The following RIOX2 variants were observed in gnomAD, a reference collection of about 807,000 sequenced individuals.
RIOX2 encodes ribosomal oxygenase 2, also known as 60S ribosomal protein L27a histidine hydroxylase.
Under a neutral mutation model 51.2 loss-of-function variants are expected in RIOX2, and 43 were observed. The observed-to-expected ratio is 0.84, with a 90% CI of 0.66 to 1.08. The LOEUF is 1.08. Among genes scored for constraint, RIOX2 ranks in the 50% least tolerant of loss-of-function variants. The probability of loss-of-function intolerance (pLI) is 0.00; values close to 1 mark genes in which losing one functional copy is unlikely to be tolerated. For synonymous variants in RIOX2, 226 were observed against 218.5 expected (o/e 1.03, Z -0.30); for missense variants, 566 against 561.7 (o/e 1.01, Z -0.08).
At chr3:97,949,570 C>T (rs116023969) in intron 7 of RIOX2, among the ~76,000 whole-genome samples, 511 of 152,232 alleles carry the variant, frequency 3.4e-3, no homozygotes, top group African/African-American at 0.012. Context: ...ACCAGAGTAC[C>T]TATAAATATA....
chr3:97,972,232 C>G (rs1706164052), intron 1 of RIOX2, 149 bp downstream of exon 1: 1 of 151,440 alleles, frequency 6.6e-6, no homozygotes, highest in Non-Finnish European at 1.5e-5. Context: ...GCAACCACAG[C>G]GCCGGCCACC....
At position 97,948,789 on chromosome 3, in the gene RIOX2, T is replaced by G. The variant is rs1705111898; in HGVS notation, c.1060+1055A>C. Among the ~76,000 whole-genome samples the G allele has an allele frequency of 2.0e-5, 3 of 152,164 alleles. No individual in the cohort carries two copies. The South Asian group carries it at 6.2e-4, about 31-fold the overall frequency. ...CTATAAGTCTTTTCTAACACCGTTT[T>G]ACTGAGATGCCCTGCAGTTCTCAAT... is the stretch of plus-strand genomic sequence containing the variant. On this transcript the variant is annotated intron_variant, in intron 7 of 9. Transcript: ENST00000394198.
chr3:97,968,776 A>T (rs919482889), intron 1 of RIOX2, among the ~76,000 whole-genome samples: 3 of 152,248 alleles, frequency 2.0e-5, no homozygotes, highest in Admixed American at 1.3e-4. Context: ...TTCTTAAGGA[A>T]GTCCCTATCT....
Position 97,964,629 on chromosome 3 carries a change from G to A in RIOX2, c.432+2533C>T, listed in dbSNP as rs1239946287. ...GGAGAATTGCTTGAACCCAGGAGGCGGAGGTTGTAGTGAGCCGAGATTGCG... is the reference window on the plus strand; with the variant it reads ...GGAGAATTGCTTGAACCCAGGAGGCAGAGGTTGTAGTGAGCCGAGATTGCG... On this transcript the variant is annotated intron_variant, in intron 2 of 9. Transcript: ENST00000394198. Among the ~76,000 whole-genome samples, 6 of 149,936 alleles carry A rather than the reference G, an allele frequency of 4.0e-5. No homozygotes were observed. In the East Asian group the frequency reaches 7.8e-4, roughly 20 times the overall value.
intron 5 of RIOX2, chr3:97,954,162 C>G (rs1705368589): frequency 8.3e-6 from 4 of 483,352 alleles, no homozygotes; most frequent in Non-Finnish European, 1.5e-5. Flanking sequence ...TCTATTTGGG[C>G]AATGCCCCAC....
rs1219242641 is a variant in RIOX2, at chr3:97,945,302, A to C, written c.1280T>G (p.Leu427Arg). The change falls in exon 10 of 10, where the codon CTG becomes CGG. Residue 427 changes from leucine to arginine, a missense_variant. Transcript: ENST00000394198. ...LRFPLSHLDA[L>R]KQIWNSPAIS... ...AGCTGGACTATTCCAAATTTGCTTCAGTGCATCCAAATGTGACAAAGGGAA... is the reference window on the plus strand; with the variant it reads ...AGCTGGACTATTCCAAATTTGCTTCCGTGCATCCAAATGTGACAAAGGGAA... The C allele has an allele frequency of 3.7e-6, 6 of 1,612,232 alleles. No individual in the cohort carries two copies. The highest frequency in any genetic ancestry group is 5.1e-6 in the Non-Finnish European group (6 of 1,178,908).
At chr3:97,958,876 C>T (rs1013217374) in intron 4 of RIOX2, among the ~76,000 whole-genome samples, 175 bp downstream of exon 4, 1 of 152,182 alleles carries the variant, frequency 6.6e-6, no homozygotes, top group Non-Finnish European at 1.5e-5. Context: ...AAGACTCCTT[C>T]AGAAATTACA....
chr3:97,945,702 C>T, intron 9 of RIOX2, 96 bp downstream of exon 9: 1 of 931,246 alleles, frequency 1.1e-6, no homozygotes, highest in Non-Finnish European at 1.7e-6. Flanking sequence ...ACAGTGCAGC[C>T]ATAAAAAGCA....
intron 4 of RIOX2, among the ~76,000 whole-genome samples, chr3:97,956,421 TA>T (rs1248118199): frequency 6.6e-6 from 1 of 152,190 alleles, no homozygotes. Flanking sequence ...TATGTTGTTT[TA>T]AACCATTGAG....
chr3:97,964,748 A>G (rs1379505736), intron 2 of RIOX2, among the ~76,000 whole-genome samples: 1 of 151,526 alleles, frequency 6.6e-6, no homozygotes, highest in Non-Finnish European at 1.5e-5. Context: ...AGAAAATGGA[A>G]CAAAAGCTGC....
intron 1 of RIOX2, among the ~76,000 whole-genome samples, chr3:97,970,735 G>A (rs1172731326): frequency 6.6e-6 from 1 of 152,158 alleles, no homozygotes; most frequent in Non-Finnish European, 1.5e-5. Flanking sequence ...AGCATTAAAT[G>A]TAAAAAGACT....
At chr3:97,948,418 T>C (rs943073594) in intron 7 of RIOX2, among the ~76,000 whole-genome samples, 11 of 152,168 alleles carry the variant, frequency 7.2e-5, no homozygotes, top group Admixed American at 1.3e-4. Context: ...TGTGTTCTCC[T>C]GTTGAACACA....
At chr3:97,965,909 C>T (rs1705873666) in intron 2 of RIOX2, among the ~76,000 whole-genome samples, 1 of 152,208 alleles carries the variant, frequency 6.6e-6, no homozygotes, top group Non-Finnish European at 1.5e-5. Context: ...ATTTTATTGA[C>T]GGTGTCCATA....
At chr3:97,947,739 A>G (rs1293058231) in intron 7 of RIOX2, among the ~76,000 whole-genome samples, 1 of 152,218 alleles carries the variant, frequency 6.6e-6, no homozygotes, top group Non-Finnish European at 1.5e-5. Flanking sequence ...TGGCTATCAT[A>G]GCACATAAGG....
chr3:97,957,043 C>A (rs1705475954), intron 4 of RIOX2, among the ~76,000 whole-genome samples: 3 of 152,184 alleles, frequency 2.0e-5, no homozygotes, highest in Non-Finnish European at 4.4e-5. Flanking sequence ...TGCAGATGAA[C>A]TGCACGGGCT....
intron 2 of RIOX2, among the ~76,000 whole-genome samples, chr3:97,962,360 C>CTG: frequency 1.2e-5 from 1 of 86,396 alleles, no homozygotes; most frequent in Non-Finnish European, 2.3e-5. Flanking sequence ...GCTAAGACCC[C>CTG]CCCCCCCCCC....
chr3:97,948,784 C>G (rs901436852), intron 7 of RIOX2, among the ~76,000 whole-genome samples: 1 of 152,070 alleles, frequency 6.6e-6, no homozygotes, highest in Admixed American at 6.6e-5. Context: ...TTTCTAACAC[C>G]GTTTTACTGA....
chr3:97,946,759 C>G (rs2040376848), intron 8 of RIOX2, among the ~76,000 whole-genome samples: 1 of 151,620 alleles, frequency 6.6e-6, no homozygotes, highest in East Asian at 1.9e-4. Flanking sequence ...GAGGTGGAGC[C>G]ATATGGTATG....
chr3:97,951,087 C>A, intron 5 of RIOX2, 199 bp from the exon 6 acceptor site: 1 of 529,136 alleles, frequency 1.9e-6, no homozygotes, highest in East Asian at 3.1e-5. Context: ...TTTCCTCCCT[C>A]CCCGTTCCAG....
Sources: allele counts gnomAD v4.1 joint callset (sites outside exome capture counted in the v4.1 genomes callset), GRCh38; gene constraint gnomAD v4.1.1; transcripts MANE v1.5; gene names NCBI Gene and HGNC (gene_info 2026-07-23, HGNC 2026-07-21).